Variants in HEPHL1 observed in about 807,000 individuals in gnomAD.
HEPHL1 encodes the protein hephaestin like 1.
HEPHL1 carries 123 observed loss-of-function variants against 122.0 expected under a neutral mutation model. That is an observed-to-expected ratio of 1.01 (90% confidence interval 0.87 to 1.17). The LOEUF is 1.17. HEPHL1 is among the 50% of genes most tolerant of loss of function. The pLI is 0.00. For missense variants in HEPHL1, 1,452 were observed against 1,430.5 expected (o/e 1.01, Z -0.24); for synonymous variants, 527 against 508.9 (o/e 1.04, Z -0.48).
intron 1 of HEPHL1, among the ~76,000 whole-genome samples, chr11:94,029,651 T>C (rs1178629070): frequency 6.6e-6 from 1 of 152,234 alleles, no homozygotes. Context: ...GGTGGACATT[T>C]GGGAACCACT....
intron 11 of HEPHL1, among the ~76,000 whole-genome samples, chr11:94,087,148 T>C (rs537567035): frequency 6.6e-6 from 1 of 152,304 alleles, no homozygotes; most frequent in South Asian, 2.1e-4. Context: ...TGTACATTAG[T>C]ATAGTTGATC....
intron 9 of HEPHL1, among the ~76,000 whole-genome samples, chr11:94,078,446 C>CATATATATATATATATATATATATAT (rs6144452): frequency 9.0e-6 from 1 of 111,480 alleles, no homozygotes; most frequent in Non-Finnish European, 1.8e-5. Context: ...TCAGATGTTC[C>CATATATATATATATATATATATATAT]ATATATATAT....
chr11:94,097,439 A>G (rs1342850816), intron 13 of HEPHL1, among the ~76,000 whole-genome samples: 1 of 152,176 alleles, frequency 6.6e-6, no homozygotes, highest in Non-Finnish European at 1.5e-5. Flanking sequence ...ACTTCCAACT[A>G]TGTGGTCAGT....
chr11:94,053,767 G>T (rs1319396266), intron 2 of HEPHL1, among the ~76,000 whole-genome samples: 1 of 152,126 alleles, frequency 6.6e-6, no homozygotes, highest in Non-Finnish European at 1.5e-5. Flanking sequence ...TGATTTCAAA[G>T]ATTTCTTTCT....
chr11:94,111,138 C>A, intron 18 of HEPHL1, 73 bp downstream of exon 18: 1 of 1,304,296 alleles, frequency 7.7e-7, no homozygotes, highest in South Asian at 1.4e-5. Flanking sequence ...GGAGGCATGA[C>A]AAAAACCCAG....
chr11:94,068,470 T>C (rs1946051847), intron 5 of HEPHL1, among the ~76,000 whole-genome samples: 1 of 152,194 alleles, frequency 6.6e-6, no homozygotes, highest in South Asian at 2.1e-4. Flanking sequence ...ATTTGTTGGC[T>C]TAAATGCCTG....
chr11:94,078,403 A>G (rs916886842), intron 9 of HEPHL1, among the ~76,000 whole-genome samples: 4 of 145,978 alleles, frequency 2.7e-5, no homozygotes, highest in Admixed American at 2.2e-4. Context: ...ACTGTTCACA[A>G]AATAGCTGTG....
At chr11:94,060,399 C>G (rs1006062257) in intron 2 of HEPHL1, among the ~76,000 whole-genome samples, 2 of 151,528 alleles carry the variant, frequency 1.3e-5, no homozygotes, top group African/African-American at 4.9e-5. Context: ...TAATTAAAAA[C>G]TTAGGCACAT....
chr11:94,053,119 C>A (rs544013359), intron 2 of HEPHL1, among the ~76,000 whole-genome samples: 34 of 151,994 alleles, frequency 2.2e-4, no homozygotes, highest in African/African-American at 7.5e-4. Flanking sequence ...CAGGGAGGAT[C>A]TTTAGTTACT....
chr11:94,053,985 T>C (rs765490297), intron 2 of HEPHL1, among the ~76,000 whole-genome samples: 9 of 152,248 alleles, frequency 5.9e-5, no homozygotes, highest in Non-Finnish European at 1.3e-4. Context: ...ATAGTATTGT[T>C]CAAGTCTCCT....
Position 94,093,624 on chromosome 11 carries a change from G to A in HEPHL1, c.2418G>A (p.Glu806=), listed in dbSNP as rs781498222. The change falls in exon 13 of 20, where the codon GAG becomes GAA. Residue 806 remains glutamate, a synonymous_variant. Transcript: ENST00000315765. ...VEIKARPPRE[E]HLELLGPMIH... ...TCAAAGCCCGACCACCACGAGAGGA[G>A]CACTTAGAACTCCTGGGTATGGCAC... is the stretch of plus-strand genomic sequence containing the variant. 29 of 1,613,456 alleles carry A rather than the reference G, an allele frequency of 1.8e-5. No individual in the cohort carries two copies. Among genetic ancestry groups the A allele is most frequent in the East Asian group, 8.9e-5 (4 of 44,838 alleles).
intron 13 of HEPHL1, among the ~76,000 whole-genome samples, chr11:94,097,294 C>G (rs1946324843): frequency 6.6e-6 from 1 of 152,152 alleles, no homozygotes; most frequent in Non-Finnish European, 1.5e-5. Flanking sequence ...CATTCAGGAG[C>G]AGGTTGTTCA....
intron 1 of HEPHL1, among the ~76,000 whole-genome samples, chr11:94,042,987 G>C (rs1458701181): frequency 4.6e-5 from 7 of 151,620 alleles, no homozygotes. Context: ...GGTTTCCTTT[G>C]GAAAGGATTG....
In HEPHL1 at chr11:94,070,394, A is replaced by G; in HGVS notation, c.1084A>G (p.Asn362Asp). 1 of 1,598,654 alleles carries G rather than the reference A, an allele frequency of 6.3e-7. No individual in the cohort carries two copies. Among genetic ancestry groups the G allele is most frequent in the Non-Finnish European group, 8.5e-7 (1 of 1,171,738 alleles). The change falls in exon 6 of 20, where the codon AAT (asparagine) becomes GAT (aspartate). Residue 362 changes from asparagine (N) to aspartate (D), a missense_variant. By Grantham distance (23) the Asn-to-Asp change is conservative. Transcript: ENST00000315765. ...TGCAGCTGGTATGCTGGGGCAATAC[A>G]ATGTTGATAACTGCAAAAGTGATAT... is the stretch of plus-strand genomic sequence containing the variant. The part of the protein sequence containing the change: ...HLQAGMLGQY[N>D]VDNCKSDIFY...
At chr11:94,090,137 C>A (rs577370024) in intron 12 of HEPHL1, among the ~76,000 whole-genome samples, 1 of 151,764 alleles carries the variant, frequency 6.6e-6, no homozygotes, top group African/African-American at 2.4e-5. Flanking sequence ...CCCTTAAGAA[C>A]AGGAGAATTT....
intron 2 of HEPHL1, among the ~76,000 whole-genome samples, chr11:94,061,311 G>C (rs545675793): frequency 6.8e-4 from 104 of 152,172 alleles, no homozygotes; most frequent in Non-Finnish European, 1.0e-4. Flanking sequence ...CTGGTGTGTG[G>C]CTGATGGGTG....
At chr11:94,098,422 C>T (rs1395609485) in intron 13 of HEPHL1, among the ~76,000 whole-genome samples, 1 of 152,216 alleles carries the variant, frequency 6.6e-6, no homozygotes, top group African/African-American at 2.4e-5. Context: ...GTAACCCGAC[C>T]TTTCTCTCTG....
intron 13 of HEPHL1, among the ~76,000 whole-genome samples, chr11:94,097,345 C>T (rs1287530910): frequency 6.6e-6 from 1 of 152,160 alleles, no homozygotes; most frequent in Non-Finnish European, 1.5e-5. Flanking sequence ...GTTCCTTAAT[C>T]CTGAGTTCTA....
chr11:94,078,362 T>G (rs1946142591), intron 9 of HEPHL1, among the ~76,000 whole-genome samples: 1 of 149,854 alleles, frequency 6.7e-6, no homozygotes, highest in African/African-American at 2.5e-5. Context: ...TCTTCCCTGC[T>G]GCTGTGGGAG....
Sources: allele counts gnomAD v4.1 joint callset (sites outside exome capture counted in the v4.1 genomes callset), GRCh38; gene constraint gnomAD v4.1.1; transcripts MANE v1.5; gene names NCBI Gene and HGNC (gene_info 2026-07-23, HGNC 2026-07-21).